The following LRBA variants were observed in gnomAD, a reference collection of about 807,000 sequenced individuals.
LRBA encodes the protein lipopolysaccharide-responsive and beige-like anchor protein.
A neutral mutation model predicts 330.0 loss-of-function variants in LRBA; 176 were observed. The observed-to-expected ratio is 0.53, with a 90% CI of 0.47 to 0.60. LRBA has a LOEUF of 0.60. LRBA is among the 20% of genes least tolerant of loss of function. The pLI, the probability that LRBA is intolerant of heterozygous loss-of-function variation, is 0.00. For synonymous variants in LRBA, 1,230 were observed against 1,193.0 expected, an observed-to-expected ratio of 1.03 and a Z score of -0.64; for missense variants, 3,259 against 3,444.8, an observed-to-expected ratio of 0.95 and a Z score of 1.35.
intron 48 of LRBA, among the ~76,000 whole-genome samples, chr4:150,345,225 T>C (rs1380844678): frequency 6.6e-6 from 1 of 152,242 alleles, no homozygotes; most frequent in Non-Finnish European, 1.5e-5. Context: ...CATTAGATAA[T>C]GAACTCTAGC....
intron 40 of LRBA, chr4:150,580,038 G>C (rs1309338462): frequency 1.6e-5 from 4 of 243,262 alleles, no homozygotes; most frequent in Non-Finnish European, 3.3e-5. Flanking sequence ...CAGAGCGCCG[G>C]CAAGGCCTCC....
chr4:150,491,034 A>C lies in LRBA; in HGVS notation c.6332T>G (p.Ile2111Ser), dbSNP rs765950887. Reference protein sequence around the residue: ...DPNFKKIDPKILAYTEGLHGK... With the variant: ...DPNFKKIDPKSLAYTEGLHGK... ...ATGCAGCCCTTCTGTATATGCCAAGATCTAATGAGGAAAAAAATAATCCCA... is the reference window on the plus strand; with the variant it reads ...ATGCAGCCCTTCTGTATATGCCAAGCTCTAATGAGGAAAAAAATAATCCCA... Residue 2111 changes from isoleucine to serine, a missense_variant and splice_region_variant, in exon 41 of 57, where the codon ATC becomes AGC. Coordinates refer to ENST00000651943, the MANE Select transcript of LRBA (RefSeq NM_001364905.1). 8 of 1,494,106 alleles carry C rather than the reference A, an allele frequency of 5.4e-6. No homozygotes were observed. The highest frequency in any genetic ancestry group is 6.4e-6 in the Non-Finnish European group (7 of 1,087,092). 92.6% of individuals were successfully genotyped at this position (1,494,106 alleles called of 1,614,324 possible).
At chr4:150,951,513 G>A (rs1351914838) in intron 2 of LRBA, among the ~76,000 whole-genome samples, 1 of 152,082 alleles carries the variant, frequency 6.6e-6, no homozygotes, top group Non-Finnish European at 1.5e-5. Context: ...TACAATTGCA[G>A]GGTTTTTTCC....
intron 40 of LRBA, among the ~76,000 whole-genome samples, chr4:150,564,591 G>A (rs1408149030): frequency 6.6e-6 from 1 of 152,126 alleles, no homozygotes; most frequent in South Asian, 2.1e-4. Flanking sequence ...CCATCAGAGT[G>A]AACAGGCAAC....
chr4:150,895,781 T>A (rs1730008414), intron 16 of LRBA, among the ~76,000 whole-genome samples: 1 of 152,194 alleles, frequency 6.6e-6, no homozygotes, highest in South Asian at 2.1e-4. Context: ...TGATTTATAA[T>A]CCTTTGGGTA....
intron 48 of LRBA, among the ~76,000 whole-genome samples, chr4:150,328,775 T>C (rs1733623470): frequency 6.6e-6 from 1 of 151,776 alleles, no homozygotes; most frequent in Non-Finnish European, 1.5e-5. Flanking sequence ...CAGCATAGAG[T>C]GATATGGAAG....
At chr4:150,352,798 T>C (rs1392747182) in intron 47 of LRBA, among the ~76,000 whole-genome samples, 2 of 152,178 alleles carry the variant, frequency 1.3e-5, no homozygotes, top group East Asian at 1.9e-4. Context: ...AAAACAGCAA[T>C]TGTCTTAATT....
chr4:150,471,508 T>G (rs1204393116), intron 43 of LRBA, 116 bp downstream of exon 43: 9 of 614,934 alleles, frequency 1.5e-5, no homozygotes, highest in Non-Finnish European at 1.7e-5. Flanking sequence ...CTTTGTAGTA[T>G]TCTAGTAGCA....
At chr4:150,464,516 A>C (rs1755189767) in intron 44 of LRBA, among the ~76,000 whole-genome samples, 1 of 152,090 alleles carries the variant, frequency 6.6e-6, no homozygotes, top group Non-Finnish European at 1.5e-5. Flanking sequence ...GGGGTCTTAG[A>C]ACAAATATGA....
intron 36 of LRBA, among the ~76,000 whole-genome samples, chr4:150,733,925 G>A (rs1190897330): frequency 6.6e-6 from 1 of 152,108 alleles, no homozygotes. Context: ...GATTTTCCTA[G>A]ACCACAGCAT....
intron 35 of LRBA, among the ~76,000 whole-genome samples, chr4:150,738,060 G>A (rs375421562): frequency 1.5e-4 from 22 of 145,478 alleles, no homozygotes; most frequent in African/African-American, 3.4e-4. Flanking sequence ...GCACAATCTC[G>A]GGTCACTGCA....
chr4:150,294,628 T>C (rs1728727785), intron 53 of LRBA, among the ~76,000 whole-genome samples: 1 of 152,176 alleles, frequency 6.6e-6, no homozygotes, highest in African/African-American at 2.4e-5. Context: ...GCCTGGCATG[T>C]AGTGAGCACC....
At chr4:150,689,049 G>C (rs1056320128) in intron 36 of LRBA, among the ~76,000 whole-genome samples, 1 of 152,100 alleles carries the variant, frequency 6.6e-6, no homozygotes, top group Admixed American at 6.5e-5. Context: ...GCAAAGACTT[G>C]GAACCAACCC....
At chr4:150,867,438 T>C (rs1375992159) in intron 22 of LRBA, among the ~76,000 whole-genome samples, 2 of 152,180 alleles carry the variant, frequency 1.3e-5, no homozygotes, top group Admixed American at 6.6e-5. Context: ...AGATTTACCA[T>C]TATAAAGATA....
intron 37 of LRBA, among the ~76,000 whole-genome samples, chr4:150,614,684 C>T (rs1775587801): frequency 6.6e-6 from 1 of 152,052 alleles, no homozygotes; most frequent in Non-Finnish European, 1.5e-5. Context: ...GATCAAAGTC[C>T]TAAAGCTAAG....
At chr4:150,722,037 C>T (rs994493600) in intron 36 of LRBA, among the ~76,000 whole-genome samples, 4 of 152,114 alleles carry the variant, frequency 2.6e-5, no homozygotes, top group Non-Finnish European at 5.9e-5. Flanking sequence ...CAGTTATGGT[C>T]CTTCATTTGT....
At chr4:150,320,343 G>C (rs1004655188) in intron 50 of LRBA, among the ~76,000 whole-genome samples, 34 of 152,164 alleles carry the variant, frequency 2.2e-4, no homozygotes, top group African/African-American at 8.2e-4. Context: ...AGTTGAGCAT[G>C]ACTGTGTTGA....
At chr4:150,830,617 G>A (rs1747027874) in intron 29 of LRBA, among the ~76,000 whole-genome samples, 1 of 151,984 alleles carries the variant, frequency 6.6e-6, no homozygotes, top group Non-Finnish European at 1.5e-5. Flanking sequence ...TCTAACTCAA[G>A]AAATCATGAA....
Position 150,321,228 on chromosome 4 carries a change from G to C in LRBA, c.7593C>G (p.Asn2531Lys). 1.9e-6 allele frequency: 3 copies of C among 1,610,984 alleles called. No individual in the cohort carries two copies. The highest frequency in any genetic ancestry group is 2.5e-6 in the Non-Finnish European group (3 of 1,179,024). The change falls in exon 50 of 57, where the codon AAC becomes AAG. Residue 2531 changes from asparagine to lysine, a missense_variant. Coordinates refer to ENST00000651943, the MANE Select transcript of LRBA (RefSeq NM_001364905.1). This position sits in a 1 kb window ranked among gnomAD's most constrained non-coding sequence, Gnocchi z 4.5. ...GCCATTTGTTCACCGCAAATAACCT[G>C]TTAGCAGTGACTGTGATCACAGCGG... is the stretch of plus-strand genomic sequence containing the variant. ...ATPAVITVTANRLFAVNKWHN... is the reference protein window; with the variant it reads ...ATPAVITVTAKRLFAVNKWHN...
Sources: gnomAD v4.1 joint callset for allele counts (sites outside exome capture counted in the v4.1 genomes callset) on GRCh38, gnomAD v4.1.1 for gene constraint, Gnocchi (gnomAD v3.1) non-coding constraint, MANE v1.5 for transcripts, NCBI Gene and HGNC (gene_info 2026-07-23, HGNC 2026-07-21) for gene names.